The following ADCY6 variants were observed in gnomAD, a reference collection of about 807,000 sequenced individuals.
ADCY6 encodes adenylate cyclase type 6.
Under a neutral mutation model 111.6 loss-of-function variants are expected in ADCY6, and 59 were observed. That is an observed-to-expected ratio of 0.53 (90% CI 0.43 to 0.66). ADCY6 has a LOEUF of 0.66. Ranked by LOEUF, ADCY6 falls within the 30% of genes least tolerant of loss-of-function variation. The pLI, the probability that ADCY6 is intolerant of heterozygous loss-of-function variation, is 0.00. For missense variants in ADCY6, 1,242 were observed against 1,595.6 expected, an observed-to-expected ratio of 0.78 and a Z score of 3.78; for synonymous variants, 576 against 642.9, an observed-to-expected ratio of 0.90 and a Z score of 1.57.
At position 48,776,098 on chromosome 12, in the gene ADCY6, G is replaced by A. The variant is rs370362498; in HGVS notation, c.1678-7C>T. The A allele has an allele frequency of 2.5e-5, 41 of 1,613,656 alleles. No individual in the cohort carries two copies. The highest frequency in any genetic ancestry group is 1.2e-4 in the African/African-American group (9 of 75,030). On this transcript the variant is annotated splice_polypyrimidine_tract_variant and splice_region_variant and intron_variant, in intron 8 of 21. Transcript: ENST00000357869. This position sits in a 1 kb window ranked among gnomAD's most constrained non-coding sequence, Gnocchi z 6.1. ...GCATGGCCTTCTCCTCTTTCTGTGC[G>A]GGCAGCATGGGTACAGGCTCAGAAG... is the stretch of plus-strand genomic sequence containing the variant.
Position 48,771,846 on chromosome 12 carries a change from T to C in ADCY6, c.2915A>G (p.Tyr972Cys), listed in dbSNP as rs1941553893. The C allele has an allele frequency of 1.9e-6, 3 of 1,614,094 alleles. No individual in the cohort carries two copies. Among genetic ancestry groups the C allele is most frequent in the Non-Finnish European group, 2.5e-6 (3 of 1,180,032 alleles). ...ARERRNDELY[Y>C]QSCECVAVMF... ...AACAGCCACACACTCACACGACTGA[T>C]AGTAGAGTTCATCATTGCGGCGCTC... Residue 972 changes from tyrosine (Y) to cysteine (C), a missense_variant, in exon 19 of 22, where the codon TAT becomes TGT. Transcript: ENST00000357869. This position sits in a 1 kb window ranked among gnomAD's most constrained non-coding sequence, Gnocchi z 4.3.
At chr12:48,773,075 G>A (rs1259088966) in intron 16 of ADCY6, among the ~76,000 whole-genome samples, 1 of 152,066 alleles carries the variant, frequency 6.6e-6, no homozygotes, top group Non-Finnish European at 1.5e-5. Context: ...TCAAAGGAAT[G>A]GGGTTTTGCA....
intron 2 of ADCY6, among the ~76,000 whole-genome samples, chr12:48,780,884 T>C (rs1256657818): frequency 6.6e-6 from 1 of 152,176 alleles, no homozygotes; most frequent in South Asian, 2.1e-4. Context: ...ATAAAGTTAC[T>C]TTTAAAAAGG....
At position 48,776,270 on chromosome 12, in the gene ADCY6, T is replaced by A; in HGVS notation, c.1616A>T (p.Asn539Ile). ...AATGTGCTGCTCCTTGAGGTACGCG[T>A]TGCGCTCGCCACCACGGCCTGGCTC... Reference protein sequence around the residue: ...EVEPGRGGERNAYLKEQHIET... With the variant: ...EVEPGRGGERIAYLKEQHIET... The change falls in exon 8 of 22, where the codon AAC (asparagine) becomes ATC (isoleucine). Residue 539 changes from asparagine (N) to isoleucine (I), a missense_variant. Transcript: ENST00000357869. This position sits in a 1 kb window ranked among gnomAD's most constrained non-coding sequence, Gnocchi z 6.1. 6.2e-7 allele frequency: 1 copy of A among 1,614,216 alleles called. No individual in the cohort carries two copies. Among genetic ancestry groups the A allele is most frequent in the Non-Finnish European group, 8.5e-7 (1 of 1,180,042 alleles).
At chr12:48,780,926 T>C (rs1310355683) in intron 2 of ADCY6, among the ~76,000 whole-genome samples, 1 of 152,182 alleles carries the variant, frequency 6.6e-6, no homozygotes, top group Non-Finnish European at 1.5e-5. Flanking sequence ...TCTGGCCAGG[T>C]GCGGTGGCTC....
Position 48,776,085 on chromosome 12 carries a change from C to T in ADCY6, c.1684G>A (p.Glu562Lys). 6.2e-7 allele frequency: 1 copy of T among 1,613,754 alleles called. No individual in the cohort carries two copies. Among genetic ancestry groups the T allele is most frequent in the Non-Finnish European group, 8.5e-7 (1 of 1,179,820 alleles). The stretch of plus-strand genomic sequence containing the variant: ...TGCAGCTTGGCCAGCATGGCCTTCT[C>T]CTCTTTCTGTGCGGGCAGCATGGGT... ...ILGASQKRKE[E>K]KAMLAKLQRT... Residue 562 changes from glutamate to lysine, a missense_variant, in exon 9 of 22, where the codon GAG becomes AAG. By Grantham distance (56) the Glu-to-Lys change is moderately conservative. Coordinates refer to ENST00000357869, the MANE Select transcript of ADCY6 (RefSeq NM_015270.5). This position sits in a 1 kb window ranked among gnomAD's most constrained non-coding sequence, Gnocchi z 6.1.
In ADCY6 at chr12:48,777,377, C is replaced by T. The variant is rs374379726; in HGVS notation, c.1248+33G>A. The T allele has an allele frequency of 1.2e-6, 2 of 1,611,010 alleles. No homozygotes were observed. Among genetic ancestry groups the T allele is most frequent in the Non-Finnish European group, 1.7e-6 (2 of 1,177,584 alleles). ...AGCTATGCTCTCACCACGGTCAACA[C>T]CCAGGCCCAATCCCAAGGCCCAGCA... On this transcript the variant is annotated intron_variant, in intron 5 of 21. Transcript: ENST00000357869. The surrounding 1 kb of genome is among the most constrained non-coding windows in gnomAD (Gnocchi z 4.9).
intron 1 of ADCY6, among the ~76,000 whole-genome samples, chr12:48,785,095 G>C (rs2137396040): frequency 1.3e-5 from 2 of 152,272 alleles, no homozygotes; most frequent in South Asian, 4.1e-4. Context: ...TATCAGTGAG[G>C]CTCCCTCTGA....
chr12:48,775,775 A>G (rs1941681348), intron 9 of ADCY6, 77 bp from the exon 10 acceptor site: 14 of 1,559,432 alleles, frequency 9.0e-6, no homozygotes, highest in South Asian at 2.3e-5. Context: ...CCCCACCCCA[A>G]CACTGTGCTG....
chr12:48,772,146 G>A (rs1343417752), intron 18 of ADCY6, 149 bp downstream of exon 18: 1 of 1,394,390 alleles, frequency 7.2e-7, no homozygotes, highest in African/African-American at 1.4e-5. Context: ...ATGGGGCAGG[G>A]AGTAAGGGAT....
At position 48,774,051 on chromosome 12, in the gene ADCY6, C is replaced by T. The variant is rs544606863; in HGVS notation, c.2331G>A (p.Leu777=). 1 of 1,612,356 alleles carries T rather than the reference C, an allele frequency of 6.2e-7. No individual in the cohort carries two copies. Among genetic ancestry groups the T allele is most frequent in the South Asian group, 1.1e-5 (1 of 90,678 alleles). ...TPIRSCAARM[L]NLTPADITAC... is the part of the protein sequence containing the mutation. Reference sequence around the variant, plus strand: ...CAGTGATGTCAGCAGGTGTTAAATTCAGCATCCGGGCTGCACAGCTCCGTA... The same window carrying T: ...CAGTGATGTCAGCAGGTGTTAAATTTAGCATCCGGGCTGCACAGCTCCGTA... Residue 777 remains leucine, a synonymous_variant, in exon 15 of 22, where the codon CTG becomes CTA. Coordinates refer to ENST00000357869, the MANE Select transcript of ADCY6 (RefSeq NM_015270.5).
Position 48,777,116 on chromosome 12 carries a change from A to G in ADCY6, c.1364T>C (p.Ile455Thr). The G allele has an allele frequency of 1.9e-6, 3 of 1,606,692 alleles. No homozygotes were observed. Among genetic ancestry groups the G allele is most frequent in the Non-Finnish European group, 2.6e-6 (3 of 1,176,386 alleles). ...GGGCACTGCTTACGAGATGGCCTCA[A>G]TCATGTCTACCCCCATCTCCACACA... ...HCCVEMGVDM[I>T]EAISLVREVT... Residue 455 changes from isoleucine to threonine, a missense_variant, in exon 6 of 22, where the codon ATT becomes ACT. Transcript: ENST00000357869. The surrounding 1 kb of genome is among the most constrained non-coding windows in gnomAD (Gnocchi z 4.9).
chr12:48,772,572 A>G (rs1157536809), intron 16 of ADCY6, 29 bp from the exon 17 acceptor site: 4 of 1,613,988 alleles, frequency 2.5e-6, no homozygotes, highest in Non-Finnish European at 3.4e-6. Context: ...AGACAAAGTC[A>G]TCAGTGCTTC....
chr12:48,766,885 C>G lies in ADCY6; in HGVS notation c.*1706G>C, dbSNP rs1026521523. On this transcript the variant is annotated 3_prime_UTR_variant, in exon 22 of 22. Transcript: ENST00000357869. The stretch of plus-strand genomic sequence containing the variant: ...AGGTACAGACAGAGAAACTGAGGCA[C>G]CAACAAATTCAGGCCAGAGTCAAGG... The G allele has an allele frequency of 1.3e-5, 2 of 152,306 alleles. No homozygotes were observed. The highest frequency in any genetic ancestry group is 4.8e-5 in the African/African-American group (2 of 41,426). The allele number at this position is 152,306 out of a possible 1,614,324, so 9.4% of individuals were successfully genotyped here.
intron 20 of ADCY6, 54 bp downstream of exon 20, chr12:48,770,712 G>C: frequency 1.3e-6 from 2 of 1,570,098 alleles, no homozygotes; most frequent in Middle Eastern, 2.2e-4. Flanking sequence ...TATAATCCCA[G>C]CTTCACCTGG....
At position 48,772,344 on chromosome 12, in the gene ADCY6, G is replaced by A. The variant is rs200878567; in HGVS notation, c.2738C>T (p.Ala913Val). ...LVFALALYLH[A>V]QQVESTARLD... ...GCGGGCAGTCGACTCCACCTGCTGA[G>A]CATGCAGATACAGCGCCAGCGCAAA... Residue 913 changes from alanine (A) to valine (V), a missense_variant, in exon 18 of 22, where the codon GCT (alanine) becomes GTT (valine). By Grantham distance (64) the Ala-to-Val change is moderately conservative. This residue lies in a region of ADCY6 where 245 missense variants were observed against 371.3 expected (regional missense o/e 0.66). Coordinates refer to ENST00000357869, the MANE Select transcript of ADCY6 (RefSeq NM_015270.5). The A allele has an allele frequency of 1.2e-6, 2 of 1,614,174 alleles. No homozygotes were observed. The highest frequency in any genetic ancestry group is 4.5e-5 in the East Asian group (2 of 44,884).
chr12:48,785,543 C>T (rs1021071290), intron 1 of ADCY6, among the ~76,000 whole-genome samples: 19 of 152,274 alleles, frequency 1.2e-4, no homozygotes, highest in African/African-American at 4.1e-4. Flanking sequence ...CACTTAAATC[C>T]AGGAGGCAGA....
At position 48,775,456 on chromosome 12, in the gene ADCY6, G is replaced by T. The variant is rs373658655; in HGVS notation, c.1833-6C>A. 6.2e-7 allele frequency: 1 copy of T among 1,613,974 alleles called. No homozygotes were observed. Among genetic ancestry groups the T allele is most frequent in the Admixed American group, 1.7e-5 (1 of 60,000 alleles). ...GGGCATCTTGGGTGCCCCGGCTGAGGGCAGGAGACATGGTTTCACCAGTTG... is the reference window on the plus strand; with the variant it reads ...GGGCATCTTGGGTGCCCCGGCTGAGTGCAGGAGACATGGTTTCACCAGTTG... On this transcript the variant is annotated splice_region_variant and splice_polypyrimidine_tract_variant and intron_variant, in intron 10 of 21. Transcript: ENST00000357869.
At position 48,776,201 on chromosome 12, in the gene ADCY6, G is replaced by T. The variant is rs749433744; in HGVS notation, c.1677+8C>A. ...CTCCCCTGCCCCCAGCCCTGCCCTGGCCCTGACCCGTTTCTGGCTGGCGCC... is the reference window on the plus strand; with the variant it reads ...CTCCCCTGCCCCCAGCCCTGCCCTGTCCCTGACCCGTTTCTGGCTGGCGCC... On this transcript the variant is annotated splice_region_variant and intron_variant, in intron 8 of 21. Transcript: ENST00000357869. This position sits in a 1 kb window ranked among gnomAD's most constrained non-coding sequence, Gnocchi z 6.1. 1.9e-6 allele frequency: 3 copies of T among 1,614,022 alleles called. No individual in the cohort carries two copies. Among genetic ancestry groups the T allele is most frequent in the Non-Finnish European group, 2.5e-6 (3 of 1,180,012 alleles).
Sources: allele counts gnomAD v4.1 joint callset (sites outside exome capture counted in the v4.1 genomes callset), GRCh38; gene constraint gnomAD v4.1.1; regional missense constraint gnomAD v4.1.1; non-coding constraint Gnocchi (gnomAD v3.1); transcripts MANE v1.5; gene names NCBI Gene and HGNC (gene_info 2026-07-23, HGNC 2026-07-21).